The following TNRC6C variants were observed in gnomAD, a reference collection of about 807,000 sequenced individuals.
TNRC6C encodes the protein trinucleotide repeat-containing gene 6C protein.
Under a neutral mutation model 153.7 loss-of-function variants are expected in TNRC6C, and 20 were observed. The observed-to-expected ratio is 0.13, with a 90% CI of 0.09 to 0.19. The LOEUF is 0.19. TNRC6C is among the 10% of genes least tolerant of loss of function. The pLI, the probability that TNRC6C is intolerant of heterozygous loss-of-function variation, is 1.00. For synonymous variants in TNRC6C, 811 were observed against 841.4 expected, an observed-to-expected ratio of 0.96 and a Z score of 0.63; for missense variants, 1,987 against 2,172.0, an observed-to-expected ratio of 0.91 and a Z score of 1.69.
chr17:77,965,213 A>C (rs559182744), intron 1 of TNRC6C, among the ~76,000 whole-genome samples: 1 of 152,312 alleles, frequency 6.6e-6, no homozygotes, highest in African/African-American at 2.4e-5. Context: ...CCAGAATTTA[A>C]ACTCAATACA....
chr17:78,077,595 G>A (rs1415555461), intron 9 of TNRC6C: 6 of 519,280 alleles, frequency 1.2e-5, no homozygotes, highest in African/African-American at 3.8e-5. Flanking sequence ...TGCTAACTTG[G>A]GACTGGCTAA....
chr17:77,961,506 T>A (rs372937858), intron 1 of TNRC6C, among the ~76,000 whole-genome samples: 2 of 148,802 alleles, frequency 1.3e-5, no homozygotes, highest in African/African-American at 5.2e-5. Context: ...TGAGACTGTC[T>A]GTCATAAGGT....
Position 78,049,613 on chromosome 17 carries a change from C to G in TNRC6C, c.551C>G (p.Pro184Arg), listed in dbSNP as rs1472982748. Reference sequence around the variant, plus strand: ...CCTCAGAACCTTAACACTGATGGACCAAATAACACTAACCCCATGAACTCT... The same window carrying G: ...CCTCAGAACCTTAACACTGATGGACGAAATAACACTAACCCCATGAACTCT... Residue 184 changes from proline to arginine, a missense_variant, in exon 3 of 20, where the codon CCA (proline) becomes CGA (arginine). By Grantham distance (103) the Pro-to-Arg change is moderately radical (BLOSUM62 -2). Around this residue, in one of 4 missense-constraint regions of TNRC6C, gnomAD observed 1,052 missense variants for 1,017.0 expected, o/e 1.03. Coordinates refer to ENST00000301624, the Ensembl canonical transcript of TNRC6C. This position sits in a 1 kb window ranked among gnomAD's most constrained non-coding sequence, Gnocchi z 4.1. 2 of 1,613,864 alleles carry G rather than the reference C, an allele frequency of 1.2e-6. No individual in the cohort carries two copies. The highest frequency in any genetic ancestry group is 2.7e-5 in the African/African-American group (2 of 74,924).
rs1053714138 is a variant in TNRC6C, at chr17:78,052,782, T to C, written c.2395+1325T>C. 6.6e-5 allele frequency among the ~76,000 whole-genome samples: 10 copies of C among 152,312 alleles called. No individual in the cohort carries two copies. In the South Asian group the frequency reaches 1.7e-3, roughly 25 times the overall value. The stretch of plus-strand genomic sequence containing the variant: ...GTTCACTTGTGTACCTCTCTGAGGC[T>C]GCCACATCAGGAATCCTTTATGGAT... On this transcript the variant is annotated intron_variant, in intron 3 of 19. Transcript: ENST00000301624.
intron 17 of TNRC6C, among the ~76,000 whole-genome samples, chr17:78,099,160 T>C (rs908447548): frequency 7.2e-5 from 11 of 152,058 alleles, no homozygotes; most frequent in Non-Finnish European, 1.6e-4. Context: ...AAAAATAAAT[T>C]AGTGGGGCAT....
intron 1 of TNRC6C, among the ~76,000 whole-genome samples, chr17:77,961,780 G>A (rs1347690003): frequency 6.6e-6 from 1 of 152,158 alleles, no homozygotes; most frequent in East Asian, 1.9e-4. Flanking sequence ...TGTTTCGTTT[G>A]ACATTCGGTG....
intron 1 of TNRC6C, among the ~76,000 whole-genome samples, chr17:77,971,602 T>G (rs78607773): frequency 0.015 from 2,321 of 152,252 alleles, 70 homozygotes; most frequent in African/African-American, 0.053. Context: ...TTGTCTTCAC[T>G]GATGAATTCT....
chr17:78,086,223 G>A (rs754678385), intron 11 of TNRC6C, among the ~76,000 whole-genome samples: 3 of 150,636 alleles, frequency 2.0e-5, no homozygotes, highest in Non-Finnish European at 4.4e-5. Context: ...CCAGCTACTC[G>A]GGAGGCTGAG....
At chr17:77,965,250 G>A (rs541403690) in intron 1 of TNRC6C, among the ~76,000 whole-genome samples, 1 of 152,284 alleles carries the variant, frequency 6.6e-6, no homozygotes, top group East Asian at 1.9e-4. Context: ...TATGGAAAAA[G>A]CTTGGATTAT....
intron 17 of TNRC6C, among the ~76,000 whole-genome samples, chr17:78,099,335 A>G (rs2073546194): frequency 6.6e-6 from 1 of 152,246 alleles, no homozygotes; most frequent in Non-Finnish European, 1.5e-5. Flanking sequence ...CAGATAGTGT[A>G]TTAGTCCATT....
chr17:78,067,343 A>G (rs28660207), intron 4 of TNRC6C, among the ~76,000 whole-genome samples: 3,936 of 152,256 alleles, frequency 0.026, 170 homozygotes, highest in African/African-American at 0.088. Context: ...CCTGTTTCAA[A>G]AAAAAGAAAA....
At chr17:77,991,901 G>C (rs2071256747) in intron 1 of TNRC6C, among the ~76,000 whole-genome samples, 1 of 152,196 alleles carries the variant, frequency 6.6e-6, no homozygotes, top group African/African-American at 2.4e-5. Context: ...TCAGTTGAAT[G>C]ACGACAGCTC....
At chr17:77,996,617 A>G (rs1013608161) in intron 1 of TNRC6C, among the ~76,000 whole-genome samples, 3 of 152,224 alleles carry the variant, frequency 2.0e-5, no homozygotes, top group Admixed American at 1.3e-4. Context: ...TCCTGAACTC[A>G]AGAGGGCATA....
At chr17:77,998,155 C>G (rs951458794) in intron 1 of TNRC6C, among the ~76,000 whole-genome samples, 8 of 152,146 alleles carry the variant, frequency 5.3e-5, no homozygotes, top group Non-Finnish European at 1.0e-4. Context: ...TGCACTGCCC[C>G]TTTGTGGCCA....
At chr17:78,001,458 T>C (rs560175110), upstream of TNRC6C, among the ~76,000 whole-genome samples, 3 of 152,242 alleles carry the variant, frequency 2.0e-5, no homozygotes, top group Admixed American at 2.0e-4. Flanking sequence ...GGCGGTATAC[T>C]GGAAAGGAGG....
chr17:78,038,935 G>A (rs144357290), intron 2 of TNRC6C, among the ~76,000 whole-genome samples: 1 of 152,042 alleles, frequency 6.6e-6, no homozygotes, highest in East Asian at 1.9e-4. Flanking sequence ...GGGAAAAGGC[G>A]ACGCTGGTGT....
rs947792740 is a variant in TNRC6C, at chr17:78,075,849, C to T, written c.3060+571C>T. Among the ~76,000 whole-genome samples, 2 of 151,782 alleles carry T rather than the reference C, an allele frequency of 1.3e-5. No homozygotes were observed. The highest frequency in any genetic ancestry group is 2.1e-4 in the South Asian group (1 of 4,804). On this transcript the variant is annotated intron_variant, in intron 8 of 19. Transcript: ENST00000301624. The surrounding 1 kb of genome is among the most constrained non-coding windows in gnomAD (Gnocchi z 4.2). ...CTGCAAAGCGGAGAAAAGCATTGCA[C>T]TAAATTCAATGCAAATGTCGAGCCT...
Position 78,097,156 on chromosome 17 carries a change from G to A in TNRC6C, c.4307-1187G>A, listed in dbSNP as rs574184229. 3.9e-5 allele frequency among the ~76,000 whole-genome samples: 6 copies of A among 152,310 alleles called. No individual in the cohort carries two copies. The East Asian group carries it at 9.6e-4, about 24-fold the overall frequency. ...CTGAGCCCAGGAGGTTGAGGCTGCTGTGCACTGTGATCATGCCTGTGAACA... is the reference window on the plus strand; with the variant it reads ...CTGAGCCCAGGAGGTTGAGGCTGCTATGCACTGTGATCATGCCTGTGAACA... On this transcript the variant is annotated intron_variant, in intron 16 of 19. Coordinates refer to ENST00000301624, the Ensembl canonical transcript of TNRC6C.
At chr17:78,081,587 T>A (rs1243264945) in intron 10 of TNRC6C, among the ~76,000 whole-genome samples, 1 of 152,186 alleles carries the variant, frequency 6.6e-6, no homozygotes, top group East Asian at 1.9e-4. Context: ...CAGGTTACAG[T>A]GCAGAAAGAA....
Sources: gnomAD v4.1 joint callset for allele counts (sites outside exome capture counted in the v4.1 genomes callset) on GRCh38, gnomAD v4.1.1 for gene constraint, gnomAD v4.1.1 regional missense constraint, Gnocchi (gnomAD v3.1) non-coding constraint, MANE v1.5 for transcripts, NCBI Gene and HGNC (gene_info 2026-07-23, HGNC 2026-07-21) for gene names.